The following ANKRD45 variants were observed in gnomAD, a reference collection of about 807,000 sequenced individuals.
ANKRD45 encodes the protein ankyrin repeat domain-containing protein 45.
A neutral mutation model predicts 28.1 loss-of-function variants in ANKRD45; 21 were observed. The ratio of observed to expected loss-of-function variants is 0.75; its 90% CI spans 0.53 to 1.08. The LOEUF (loss-of-function observed/expected upper bound fraction) is 1.08. Ranked by LOEUF, ANKRD45 falls within the 50% of genes least tolerant of loss-of-function variation. The probability of loss-of-function intolerance (pLI) is 0.00; values close to 1 mark genes in which losing one functional copy is unlikely to be tolerated. For synonymous variants in ANKRD45, 86 were observed against 103.9 expected, an observed-to-expected ratio of 0.83 and a Z score of 1.05; for missense variants, 261 against 308.7, an observed-to-expected ratio of 0.85 and a Z score of 1.16.
intron 2 of ANKRD45, among the ~76,000 whole-genome samples, chr1:173,656,718 T>C (rs1669534283): frequency 6.6e-6 from 1 of 152,174 alleles, no homozygotes; most frequent in African/African-American, 2.4e-5. Flanking sequence ...CCCTTCTTAC[T>C]GCTCTTGCTG....
chr1:173,686,563 T>C, the ANKRD45 span, among the ~76,000 whole-genome samples: 2 of 152,268 alleles, frequency 1.3e-5, no homozygotes, highest in Non-Finnish European at 2.9e-5. Flanking sequence ...CCAAAAAATC[T>C]TGGGGTGGTA....
intron 2 of ANKRD45, among the ~76,000 whole-genome samples, chr1:173,656,970 G>T (rs2102382687): frequency 6.7e-6 from 1 of 148,504 alleles, no homozygotes; most frequent in Non-Finnish European, 1.5e-5. Flanking sequence ...AGCATTGCTT[G>T]AGCCCAGGAG....
At chr1:173,675,164 T>C in the ANKRD45 span, among the ~76,000 whole-genome samples, 1 of 152,180 alleles carries the variant, frequency 6.6e-6, no homozygotes, top group African/African-American at 2.4e-5. Context: ...TAGGTTGCTA[T>C]TATTTTCCTC....
At chr1:173,614,206 A>C (rs1244556874) in intron 5 of ANKRD45, among the ~76,000 whole-genome samples, 4 of 152,034 alleles carry the variant, frequency 2.6e-5, no homozygotes, top group African/African-American at 9.7e-5. Flanking sequence ...CCTTCCCTGC[A>C]CTATTGTCCT....
At chr1:173,702,651 C>T in the ANKRD45 span, among the ~76,000 whole-genome samples, 1 of 151,208 alleles carries the variant, frequency 6.6e-6, no homozygotes, top group Non-Finnish European at 1.5e-5. Flanking sequence ...AGGGGCTCTG[C>T]ACTGATCTTT....
upstream of ANKRD45, among the ~76,000 whole-genome samples, chr1:173,674,176 ATTT>A (rs972203018): frequency 6.6e-6 from 1 of 150,782 alleles, no homozygotes; most frequent in Non-Finnish European, 1.5e-5. Context: ...TGCCCAGCTA[ATTT>A]TTTTTTGTAT....
chr1:173,694,685 T>C, the ANKRD45 span, among the ~76,000 whole-genome samples: 1 of 151,948 alleles, frequency 6.6e-6, no homozygotes. Flanking sequence ...TTGTACCCAA[T>C]ACACAGTTTT....
chr1:173,687,454 ACCC>A, the ANKRD45 span, among the ~76,000 whole-genome samples: 1 of 74,414 alleles, frequency 1.3e-5, no homozygotes, highest in African/African-American at 3.6e-5. Context: ...TATAAATTCT[ACCC>A]CCCCCCCACC....
At position 173,647,009 on chromosome 1, in the gene ANKRD45, G is replaced by A. The variant is rs1282382965; in HGVS notation, c.333C>T (p.Tyr111=). Residue 111 remains tyrosine, a synonymous_variant, in exon 3 of 6, where the codon TAC becomes TAT. Coordinates refer to ENST00000333279, the MANE Select transcript of ANKRD45 (RefSeq NM_198493.3). ...AGGCTGCAGCACAATGTAAGAGTGT[G>A]TACCCTAACAAATGGAATGAAGATG... ...VNLNEKTTRG[Y]TLLHCAAAWG... 6.2e-7 allele frequency: 1 copy of A among 1,612,826 alleles called. No homozygotes were observed. Among genetic ancestry groups the A allele is most frequent in the Admixed American group, 1.7e-5 (1 of 59,872 alleles).
the ANKRD45 span, among the ~76,000 whole-genome samples, chr1:173,685,967 G>C: frequency 2.0e-5 from 3 of 152,072 alleles, no homozygotes; most frequent in Admixed American, 6.6e-5. Context: ...AAACCGGTTG[G>C]GGCAGTCCAT....
chr1:173,627,167 A>T lies in ANKRD45; in HGVS notation c.497-8T>A. On this transcript the variant is annotated splice_region_variant and splice_polypyrimidine_tract_variant and intron_variant, in intron 3 of 5. Coordinates refer to ENST00000333279, the MANE Select transcript of ANKRD45 (RefSeq NM_198493.3). ...TCAGAGTCAGCCTTGCATCTGAAAG[A>T]ATGGACAGAAACACACACATGACAA... The T allele has an allele frequency of 6.3e-7, 1 of 1,576,138 alleles. No homozygotes were observed. Among genetic ancestry groups the T allele is most frequent in the Non-Finnish European group, 8.7e-7 (1 of 1,148,170 alleles).
chr1:173,614,196 C>T (rs945298526), intron 5 of ANKRD45, among the ~76,000 whole-genome samples: 4 of 152,136 alleles, frequency 2.6e-5, no homozygotes, highest in African/African-American at 9.6e-5. Flanking sequence ...TATCTGCTGA[C>T]CTTCCCTGCA....
chr1:173,650,139 G>T (rs1486208983), intron 2 of ANKRD45, among the ~76,000 whole-genome samples: 6 of 152,136 alleles, frequency 3.9e-5, no homozygotes, highest in Admixed American at 3.9e-4. Flanking sequence ...AAGTTCTAGG[G>T]TACATATGCA....
the ANKRD45 span, among the ~76,000 whole-genome samples, chr1:173,689,024 A>G: frequency 1.3e-5 from 2 of 152,182 alleles, no homozygotes; most frequent in African/African-American, 4.8e-5. Context: ...GCTCATGTTT[A>G]GGGCCCACCT....
At chr1:173,680,293 C>T in the ANKRD45 span, among the ~76,000 whole-genome samples, 1 of 152,092 alleles carries the variant, frequency 6.6e-6, no homozygotes, top group African/African-American at 2.4e-5. Context: ...CCAACTCCAA[C>T]GTCCATCACT....
chr1:173,692,380 T>C, the ANKRD45 span, among the ~76,000 whole-genome samples: 1 of 152,202 alleles, frequency 6.6e-6, no homozygotes, highest in African/African-American at 2.4e-5. Flanking sequence ...TTCCAGGTCA[T>C]AGGTAGGTAA....
intron 5 of ANKRD45, among the ~76,000 whole-genome samples, chr1:173,620,575 G>C (rs144745771): frequency 6.6e-5 from 10 of 152,088 alleles, no homozygotes; most frequent in African/African-American, 2.2e-4. Context: ...ACAGGAAGGG[G>C]AACATCACAC....
the ANKRD45 span, among the ~76,000 whole-genome samples, chr1:173,706,164 T>C: frequency 2.0e-5 from 3 of 151,660 alleles, no homozygotes; most frequent in African/African-American, 7.3e-5. Context: ...TTAGCTGGCA[T>C]GGTGGCGTGC....
the ANKRD45 span, among the ~76,000 whole-genome samples, chr1:173,692,606 T>C: frequency 3.3e-5 from 5 of 152,194 alleles, no homozygotes; most frequent in African/African-American, 1.2e-4. Flanking sequence ...AAGATGATGC[T>C]GACAATCAGA....
Sources: allele counts gnomAD v4.1 joint callset (sites outside exome capture counted in the v4.1 genomes callset), GRCh38; gene constraint gnomAD v4.1.1; transcripts MANE v1.5; gene names NCBI Gene and HGNC (gene_info 2026-07-23, HGNC 2026-07-21).